GLB1L2: variants seen among roughly 807,000 people sequenced by gnomAD.
GLB1L2 encodes the protein galactosidase beta 1 like 2, also known as beta-galactosidase-1-like protein 2.
A neutral mutation model predicts 84.1 loss-of-function variants in GLB1L2; 68 were observed. That is an observed-to-expected ratio of 0.81 (90% confidence interval 0.67 to 0.99). The LOEUF (loss-of-function observed/expected upper bound fraction) is 0.99. Among genes scored for constraint, GLB1L2 ranks in the 50% least tolerant of loss-of-function variants. GLB1L2 has a pLI of 0.00. For missense variants in GLB1L2, 762 were observed against 805.6 expected (o/e 0.95, Z 0.66); for synonymous variants, 290 against 318.0 (o/e 0.91, Z 0.94).
At chr11:134,347,582 CTTGCAAGAG>C in intron 5 of GLB1L2, 149 bp downstream of exon 5, 1 of 633,246 alleles carries the variant, frequency 1.6e-6, no homozygotes, top group Non-Finnish European at 2.9e-6. Flanking sequence ...AACTGAGGGG[CTTGCAAGAG>C]TTGTCTTTGG....
chr11:134,342,619 G>T (rs753492257), intron 1 of GLB1L2, 135 bp from the exon 2 acceptor site: 1 of 839,746 alleles, frequency 1.2e-6, no homozygotes, highest in Non-Finnish European at 1.8e-6. Flanking sequence ...TGGCTGAGGC[G>T]GAGGGGAGCT....
chr11:134,356,423 A>T (rs1415988318), intron 6 of GLB1L2, 30 bp downstream of exon 6: 1 of 1,518,182 alleles, frequency 6.6e-7, no homozygotes, highest in Non-Finnish European at 9.1e-7. Flanking sequence ...GTTTCTTTAG[A>T]TTCCTTCCTC....
In GLB1L2 at chr11:134,339,082, G is replaced by A. The variant is rs1261951358; in HGVS notation, c.87-3672G>A. 2.0e-5 allele frequency among the ~76,000 whole-genome samples: 3 copies of A among 152,190 alleles called. No individual in the cohort carries two copies. The highest frequency in any genetic ancestry group is 4.8e-5 in the African/African-American group (2 of 41,438). On this transcript the variant is annotated intron_variant, in intron 1 of 18. Transcript: ENST00000535456. The surrounding 1 kb of genome is among the most constrained non-coding windows in gnomAD (Gnocchi z 5.7). Reference sequence around the variant, plus strand: ...GTTCAAAAGAAGGCAGGTGTTCCTGGTTTCATCAGATAAAGGTCCATCGTG... The same window carrying A: ...GTTCAAAAGAAGGCAGGTGTTCCTGATTTCATCAGATAAAGGTCCATCGTG...
Position 134,370,192 on chromosome 11 carries a change from C to T in GLB1L2, c.1109-101C>T, listed in dbSNP as rs973648896. On this transcript the variant is annotated intron_variant, in intron 11 of 18. Coordinates refer to ENST00000535456, the MANE Select transcript of GLB1L2 (RefSeq NM_001370461.1). This position sits in a 1 kb window ranked among gnomAD's most constrained non-coding sequence, Gnocchi z 4.7. Reference sequence around the variant, plus strand: ...CCTGTTGTTCCTCTTGGTGCTGGGACGCAGGAGCACATCGGGTCTGTGGAT... The same window carrying T: ...CCTGTTGTTCCTCTTGGTGCTGGGATGCAGGAGCACATCGGGTCTGTGGAT... 124 of 970,766 alleles carry T rather than the reference C, an allele frequency of 1.3e-4. No individual in the cohort carries two copies. The highest frequency in any genetic ancestry group is 2.2e-4 in the Middle Eastern group (1 of 4,592). The allele number at this position is 970,766 out of a possible 1,614,324, so 60.1% of individuals were successfully genotyped here. A position where few individuals can be genotyped will look rare whatever the true frequency, so the allele number is the denominator to read the frequency against.
intron 9 of GLB1L2, among the ~76,000 whole-genome samples, 166 bp from the exon 10 acceptor site, chr11:134,368,478 C>A (rs3741101): frequency 2.0e-5 from 3 of 152,236 alleles, no homozygotes; most frequent in Admixed American, 6.5e-5. Flanking sequence ...CTCCTCCACC[C>A]CTAATCTTCT....
chr11:134,359,179 G>A (rs768086946), intron 7 of GLB1L2, 38 bp downstream of exon 7: 54 of 1,480,326 alleles, frequency 3.6e-5, no homozygotes, highest in African/African-American at 9.8e-5. Flanking sequence ...GGCTGGCGGC[G>A]GCCCTGGGCT....
rs541754094 is a variant in GLB1L2 at position 134,344,904 on chromosome 11, C to A, written c.354-130C>A. On this transcript the variant is annotated intron_variant, in intron 3 of 18. Coordinates refer to ENST00000535456, the MANE Select transcript of GLB1L2 (RefSeq NM_001370461.1). Reference sequence around the variant, plus strand: ...CACCGACCTGGTGTGGGAGTCCCCGCGCTTTGGGGGTGGGGCCGAGCCGTC... The same window carrying A: ...CACCGACCTGGTGTGGGAGTCCCCGAGCTTTGGGGGTGGGGCCGAGCCGTC... 4.8e-5 allele frequency: 53 copies of A among 1,098,462 alleles called. 1 individual carries two copies. In the African/African-American group the frequency reaches 6.2e-4, roughly 13 times the overall value. The allele number at this position is 1,098,462 out of a possible 1,614,324, so 68.0% of individuals were successfully genotyped here.
At chr11:134,341,490 TA>T (rs568773889) in intron 1 of GLB1L2, among the ~76,000 whole-genome samples, 1 of 152,328 alleles carries the variant, frequency 6.6e-6, no homozygotes, top group Admixed American at 6.5e-5. Context: ...AACTGTGTCC[TA>T]AAATGTCATT....
Position 134,347,387 on chromosome 11 carries a change from T to C in GLB1L2, c.512T>C (p.Val171Ala), listed in dbSNP as rs1170549015. 6.2e-7 allele frequency: 1 copy of C among 1,614,186 alleles called. No individual in the cohort carries two copies. Among genetic ancestry groups the C allele is most frequent in the South Asian group, 1.1e-5 (1 of 91,076 alleles). Reference protein sequence around the residue: ...RTTYKGFTEAVDLYFDHLMSR... With the variant: ...RTTYKGFTEAADLYFDHLMSR... The stretch of plus-strand genomic sequence containing the variant: ...ACTTACAAGGGCTTCACCGAAGCAG[T>C]GGACCTTTATTTTGACCACCTGATG... The change falls in exon 5 of 19, where the codon GTG becomes GCG. Residue 171 changes from valine (V) to alanine (A), a missense_variant. Around this residue, in one of 3 missense-constraint regions of GLB1L2, gnomAD observed 603 missense variants for 611.7 expected, o/e 0.99. Coordinates refer to ENST00000535456, the MANE Select transcript of GLB1L2 (RefSeq NM_001370461.1).
chr11:134,334,250 G>A lies in GLB1L2; in HGVS notation c.86+2103G>A, dbSNP rs1325244066. On this transcript the variant is annotated intron_variant, in intron 1 of 18. Transcript: ENST00000535456. The surrounding 1 kb of genome is among the most constrained non-coding windows in gnomAD (Gnocchi z 4.1). ...AGTTCACTCTTTGTGGAGCCGAGCT[G>A]TCAGGAGCAGCCCCTTTCCTGTAGC... Among the ~76,000 whole-genome samples, 1 of 152,200 alleles carries A rather than the reference G, an allele frequency of 6.6e-6. No individual in the cohort carries two copies. The highest frequency in any genetic ancestry group is 1.5e-5 in the Non-Finnish European group (1 of 68,050).
At position 134,369,310 on chromosome 11, in the gene GLB1L2, G is replaced by A. The variant is rs574394102; in HGVS notation, c.1028-495G>A. 5.7e-4 allele frequency among the ~76,000 whole-genome samples: 86 copies of A among 152,156 alleles called. 1 individual carries two copies. The highest frequency in any genetic ancestry group is 3.4e-3 in the Middle Eastern group (1 of 294). Reference sequence around the variant, plus strand: ...TGGGCTCAAGTGATCCTCCTGCTTCGGCCTCCTGAGTAGCTGGGACTACAG... The same window carrying A: ...TGGGCTCAAGTGATCCTCCTGCTTCAGCCTCCTGAGTAGCTGGGACTACAG... On this transcript the variant is annotated intron_variant, in intron 10 of 18. Transcript: ENST00000535456.
intron 5 of GLB1L2, among the ~76,000 whole-genome samples, chr11:134,348,136 C>T (rs907256846): frequency 7.9e-5 from 12 of 152,130 alleles, no homozygotes; most frequent in Non-Finnish European, 2.9e-5. Context: ...TAGTTCAAGT[C>T]AGTGGTATGG....
At position 134,370,912 on chromosome 11, in the gene GLB1L2, C is replaced by G; in HGVS notation, c.1216-96C>G. 1 of 1,407,956 alleles carries G rather than the reference C, an allele frequency of 7.1e-7. No homozygotes were observed. Among genetic ancestry groups the G allele is most frequent in the East Asian group, 2.3e-5 (1 of 43,798 alleles). The allele number at this position is 1,407,956 out of a possible 1,614,324, so 87.2% of individuals were successfully genotyped here. ...TCAAAGTAGAAAACACCCACCAAAC[C>G]TCCGCTTCCACCCCATGTGCCAGCC... On this transcript the variant is annotated intron_variant, in intron 12 of 18. Coordinates refer to ENST00000535456, the MANE Select transcript of GLB1L2 (RefSeq NM_001370461.1). This position sits in a 1 kb window ranked among gnomAD's most constrained non-coding sequence, Gnocchi z 4.7.
At chr11:134,360,217 A>G (rs1472321315) in intron 7 of GLB1L2, 1 of 152,116 alleles carries the variant, frequency 6.6e-6, no homozygotes, top group Non-Finnish European at 1.5e-5. Flanking sequence ...GGCACATTCC[A>G]CGCTTTCTTT....
intron 1 of GLB1L2, among the ~76,000 whole-genome samples, chr11:134,340,203 G>A (rs1943441601): frequency 6.6e-6 from 1 of 152,098 alleles, no homozygotes; most frequent in African/African-American, 2.4e-5. Context: ...TTGAAGTTCT[G>A]GCTGGAGAAT....
chr11:134,363,420 G>A (rs1367783261), intron 7 of GLB1L2, among the ~76,000 whole-genome samples: 19 of 152,210 alleles, frequency 1.2e-4, no homozygotes, highest in Non-Finnish European at 1.2e-4. Context: ...GTGTGCCTAG[G>A]CTGTGCCTGT....
chr11:134,351,030 A>T (rs1270209567), intron 5 of GLB1L2, among the ~76,000 whole-genome samples: 1 of 152,158 alleles, frequency 6.6e-6, no homozygotes, highest in Non-Finnish European at 1.5e-5. Context: ...TTTTTTCTTG[A>T]CTAATTGCTC....
intron 5 of GLB1L2, among the ~76,000 whole-genome samples, chr11:134,352,019 C>A (rs575527512): frequency 6.6e-6 from 1 of 152,150 alleles, no homozygotes; most frequent in African/African-American, 2.4e-5. Context: ...GGAAGACTGG[C>A]GTTAATTTTT....
At position 134,374,725 on chromosome 11, in the gene GLB1L2, G is replaced by A. The variant is rs751430334; in HGVS notation, c.1824+7G>A. 8.1e-6 allele frequency: 13 copies of A among 1,603,616 alleles called. No individual in the cohort carries two copies. The highest frequency in any genetic ancestry group is 1.1e-5 in the Non-Finnish European group (13 of 1,170,612). On this transcript the variant is annotated splice_region_variant and intron_variant, in intron 18 of 18. Coordinates refer to ENST00000535456, the MANE Select transcript of GLB1L2 (RefSeq NM_001370461.1). ...GAGCAGCGGAATCAACCAGGTGGGA[G>A]CTTCCAGCCCCTTCCTGTTCCCCAT... is the stretch of plus-strand genomic sequence containing the variant.
Sources: allele counts gnomAD v4.1 joint callset (sites outside exome capture counted in the v4.1 genomes callset), GRCh38; gene constraint gnomAD v4.1.1; regional missense constraint gnomAD v4.1.1; non-coding constraint Gnocchi (gnomAD v3.1); transcripts MANE v1.5; gene names NCBI Gene and HGNC (gene_info 2026-07-23, HGNC 2026-07-21).